Variants in FMOD observed in about 807,000 individuals in gnomAD.
FMOD encodes the protein KSPG fibromodulin.
Under a neutral mutation model 27.0 loss-of-function variants are expected in FMOD, and 15 were observed. The observed-to-expected ratio is 0.55, with a 90% confidence interval of 0.37 to 0.85. The LOEUF (loss-of-function observed/expected upper bound fraction) is 0.85, where lower values mean the gene tolerates loss of function less well. FMOD is among the 40% of genes least tolerant of loss of function. FMOD has a pLI of 0.00. For missense variants in FMOD, 460 were observed against 483.2 expected (o/e 0.95, Z 0.45); for synonymous variants, 210 against 214.0 (o/e 0.98, Z 0.16).
intron 1 of FMOD, among the ~76,000 whole-genome samples, chr1:203,350,517 C>T (rs1658972288): frequency 2.0e-5 from 3 of 152,104 alleles, no homozygotes; most frequent in Admixed American, 2.0e-4. Context: ...CCCCAATCCA[C>T]AGCTCCCTGG....
At chr1:203,346,065 C>A (rs558975725) in intron 2 of FMOD, among the ~76,000 whole-genome samples, 2 of 152,126 alleles carry the variant, frequency 1.3e-5, no homozygotes, top group Non-Finnish European at 2.9e-5. Flanking sequence ...CTTGCCCACC[C>A]GACTGTCAAC....
At chr1:203,343,006 A>G (rs1025705964) in intron 2 of FMOD, among the ~76,000 whole-genome samples, 1 of 152,196 alleles carries the variant, frequency 6.6e-6, no homozygotes, top group Non-Finnish European at 1.5e-5. Context: ...GCCTGGGCCG[A>G]GAGACAAGTG....
At position 203,347,931 on chromosome 1, in the gene FMOD, T is replaced by G; in HGVS notation, c.340A>C (p.Asn114His). The G allele has an allele frequency of 6.2e-7, 1 of 1,611,956 alleles. No homozygotes were observed. The highest frequency in any genetic ancestry group is 8.5e-7 in the Non-Finnish European group (1 of 1,178,306). The change falls in exon 2 of 3, where the codon AAC (asparagine) becomes CAC (histidine). Residue 114 changes from asparagine to histidine, a missense_variant. Physicochemically the swap from Asn to His is moderately conservative, Grantham distance 68. Coordinates refer to ENST00000354955, the MANE Select transcript of FMOD (RefSeq NM_002023.5). The part of the protein sequence containing the change: ...PSRMKYVYFQ[N>H]NQITSIQEGV... ...TCCTGGATGGAGGTGATCTGGTTGT[T>G]CTGGAAGTACACATACTTCATGCGG...
chr1:203,342,564 T>C (rs541834338), intron 2 of FMOD, 70 bp from the exon 3 acceptor site: 16 of 1,504,976 alleles, frequency 1.1e-5, no homozygotes, highest in African/African-American at 9.7e-5. Flanking sequence ...ACAGTGAGAT[T>C]AGCCTTTGTG....
chr1:203,349,866 C>T (rs189503633), intron 1 of FMOD, among the ~76,000 whole-genome samples: 2 of 152,344 alleles, frequency 1.3e-5, no homozygotes, highest in East Asian at 3.9e-4. Flanking sequence ...AGCAGGCACC[C>T]TGGCTCATCC....
At chr1:203,343,024 G>T (rs745722319) in intron 2 of FMOD, among the ~76,000 whole-genome samples, 1 of 152,232 alleles carries the variant, frequency 6.6e-6, no homozygotes, top group Non-Finnish European at 1.5e-5. Context: ...GTGTCTTTGT[G>T]TGCCAGGGCT....
At chr1:203,350,820 T>A (rs534079708) in intron 1 of FMOD, among the ~76,000 whole-genome samples, 1 of 152,060 alleles carries the variant, frequency 6.6e-6, no homozygotes, top group Non-Finnish European at 1.5e-5. Context: ...TCAGCACCCA[T>A]AAAGGAACTG....
Position 203,342,224 on chromosome 1 carries a change from GA to G in FMOD, c.*118del. 1 of 1,292,460 alleles carries G rather than the reference GA, an allele frequency of 7.7e-7. No homozygotes were observed. The highest frequency in any genetic ancestry group is 2.4e-5 in the East Asian group (1 of 41,628). 80.1% of individuals were successfully genotyped at this position (1,292,460 alleles called of 1,614,324 possible). A position where few individuals can be genotyped will look rare whatever the true frequency, so the allele number is the denominator to read the frequency against. On this transcript the variant is annotated 3_prime_UTR_variant, in exon 3 of 3. Transcript: ENST00000354955. ...CCCACCTACAGGAAAGAAGACTACA[GA>G]GGGTGCCCGTGGACTTCTGTCACAT...
In FMOD at chr1:203,348,266, T is replaced by A; in HGVS notation, c.5A>T (p.Gln2Leu). ...TGCCAGCAGCAGGAGGGAGGTCCAC[T>A]GCATTTTGTCTCTGCAAGAAGCGGG... is the stretch of plus-strand genomic sequence containing the variant. M[Q>L]WTSLLLLAGL... Residue 2 changes from glutamine to leucine, a missense_variant, in exon 2 of 3, where the codon CAG becomes CTG. Coordinates refer to ENST00000354955, the MANE Select transcript of FMOD (RefSeq NM_002023.5). 1.2e-6 allele frequency: 2 copies of A among 1,612,680 alleles called. No homozygotes were observed. The highest frequency in any genetic ancestry group is 2.2e-5 in the South Asian group (2 of 90,924).
intron 2 of FMOD, among the ~76,000 whole-genome samples, chr1:203,343,037 G>C (rs1194116273): frequency 1.3e-5 from 2 of 152,196 alleles, no homozygotes; most frequent in Admixed American, 6.5e-5. Flanking sequence ...CCAGGGCTTT[G>C]AGTGGGTTGC....
chr1:203,345,346 A>G (rs1658869241), intron 2 of FMOD, among the ~76,000 whole-genome samples: 1 of 152,240 alleles, frequency 6.6e-6, no homozygotes, highest in South Asian at 2.1e-4. Flanking sequence ...CAGAACGATG[A>G]TAAAAGGTTG....
chr1:203,343,592 T>C (rs1658836326), intron 2 of FMOD, among the ~76,000 whole-genome samples: 1 of 152,246 alleles, frequency 6.6e-6, no homozygotes, highest in African/African-American at 2.4e-5. Flanking sequence ...GACACATCCC[T>C]AGCAGCTGTA....
chr1:203,343,398 C>A (rs1290886681), intron 2 of FMOD, among the ~76,000 whole-genome samples: 1 of 152,198 alleles, frequency 6.6e-6, no homozygotes, highest in Non-Finnish European at 1.5e-5. Flanking sequence ...AAAGGAAAAG[C>A]CAAGAACTCA....
intron 1 of FMOD, among the ~76,000 whole-genome samples, chr1:203,350,193 C>A (rs542917686): frequency 2.8e-4 from 43 of 152,328 alleles, no homozygotes; most frequent in Non-Finnish European, 4.7e-4. Context: ...CCACTTCAGC[C>A]TCTTCTTAGA....
Position 203,347,663 on chromosome 1 carries a change from G to T in FMOD, c.608C>A (p.Thr203Lys). 6.2e-7 allele frequency: 1 copy of T among 1,614,166 alleles called. No homozygotes were observed. Among genetic ancestry groups the T allele is most frequent in the Non-Finnish European group, 8.5e-7 (1 of 1,180,028 alleles). The change falls in exon 2 of 3, where the codon ACG (threonine) becomes AAG (lysine). Residue 203 changes from threonine to lysine, a missense_variant. Coordinates refer to ENST00000354955, the MANE Select transcript of FMOD (RefSeq NM_002023.5). Reference sequence around the variant, plus strand: ...CTCATTGTGTTGGAGGTACAAGGCCGTGAGGTTCTCCAGCCCCTCCAGAGC... The same window carrying T: ...CTCATTGTGTTGGAGGTACAAGGCCTTGAGGTTCTCCAGCCCCTCCAGAGC... ...NNALEGLENLTALYLQHNEIQ... is the reference protein window; with the variant it reads ...NNALEGLENLKALYLQHNEIQ...
intron 2 of FMOD, among the ~76,000 whole-genome samples, chr1:203,342,778 ATT>A (rs36084653): frequency 1.4e-5 from 2 of 146,334 alleles, no homozygotes; most frequent in Non-Finnish European, 3.0e-5. Flanking sequence ...CCTCTGGGAC[ATT>A]TTTTTTTTTT....
At chr1:203,350,026 T>C (rs1360314781) in intron 1 of FMOD, among the ~76,000 whole-genome samples, 1 of 152,220 alleles carries the variant, frequency 6.6e-6, no homozygotes, top group Non-Finnish European at 1.5e-5. Context: ...CATTTTTCCA[T>C]GCACAGCCCT....
Position 203,347,478 on chromosome 1 carries a change from G to A in FMOD, c.793C>T (p.Arg265Trp), listed in dbSNP as rs150991415. 7.4e-5 allele frequency: 120 copies of A among 1,614,216 alleles called. No individual in the cohort carries two copies. The Middle Eastern group carries it at 1.2e-3, about 16-fold the overall frequency. The change falls in exon 2 of 3, where the codon CGG (arginine) becomes TGG (tryptophan). Residue 265 changes from arginine to tryptophan, a missense_variant. Arg to Trp is a moderately radical substitution (Grantham distance 101). Coordinates refer to ENST00000354955, the MANE Select transcript of FMOD (RefSeq NM_002023.5). ...NVYTVPDSYF[R>W]GAPKLLYVRL... ...ACATACAGCAGCTTGGGCGCCCCCC[G>A]GAAGTAGCTATCGGGGACGGTGTAG...
intron 2 of FMOD, among the ~76,000 whole-genome samples, chr1:203,345,156 G>A (rs1658865757): frequency 6.6e-6 from 1 of 152,192 alleles, no homozygotes; most frequent in African/African-American, 2.4e-5. Context: ...TAGTCACGGG[G>A]CTTGGACTTA....
Sources: gnomAD v4.1 joint callset for allele counts (sites outside exome capture counted in the v4.1 genomes callset) on GRCh38, gnomAD v4.1.1 for gene constraint, MANE v1.5 for transcripts, NCBI Gene and HGNC (gene_info 2026-07-23, HGNC 2026-07-21) for gene names.